Variants in FBN1 observed in about 807,000 individuals in gnomAD.
FBN1 encodes fibrillin-1.
In FBN1, 29 loss-of-function variants were observed where a neutral mutation model predicts 365.1. That is an observed-to-expected ratio of 0.08 (90% confidence interval 0.06 to 0.11). FBN1 has a LOEUF of 0.11. FBN1 is among the 10% of genes least tolerant of loss of function. The pLI, the probability that FBN1 is intolerant of heterozygous loss-of-function variation, is 1.00. For synonymous variants in FBN1, 1,210 were observed against 1,270.5 expected (o/e 0.95, Z 1.01); for missense variants, 2,476 against 3,703.2 (o/e 0.67, Z 8.60).
chr15:48,550,984 T>A (rs2044136720), intron 6 of FBN1, among the ~76,000 whole-genome samples: 1 of 152,204 alleles, frequency 6.6e-6, no homozygotes, highest in African/African-American at 2.4e-5. Context: ...AATGAATGAA[T>A]GAATGAATGG....
At chr15:48,490,809 C>T (rs1264592727) in intron 24 of FBN1, among the ~76,000 whole-genome samples, 1 of 152,202 alleles carries the variant, frequency 6.6e-6, no homozygotes, top group Non-Finnish European at 1.5e-5. Context: ...AATAAATTAT[C>T]CTAAACCTGA....
At chr15:48,627,803 C>G (rs2140760318) in intron 2 of FBN1, among the ~76,000 whole-genome samples, 1 of 152,326 alleles carries the variant, frequency 6.6e-6, no homozygotes, top group Non-Finnish European at 1.5e-5. Flanking sequence ...GATGCCAGCA[C>G]TGTCCTCTCA....
rs943815030 is a variant in FBN1 at position 48,427,480 on chromosome 15, T to G, written c.7204+87A>C. On this transcript the variant is annotated intron_variant, in intron 58 of 65. Coordinates refer to ENST00000316623, the MANE Select transcript of FBN1 (RefSeq NM_000138.5). ...TGTGCAATTCAACCTAGGCACATAT[T>G]GCAAACTCCATATTTTCATCTGTGT... 20 of 1,401,716 alleles carry G rather than the reference T, an allele frequency of 1.4e-5. No individual in the cohort carries two copies. The Middle Eastern group carries it at 2.6e-3, about 179-fold the overall frequency. The allele number at this position is 1,401,716 out of a possible 1,614,324, so 86.8% of individuals were successfully genotyped here.
intron 6 of FBN1, among the ~76,000 whole-genome samples, chr15:48,571,765 A>C (rs2044307046): frequency 6.6e-6 from 1 of 152,280 alleles, no homozygotes; most frequent in East Asian, 1.9e-4. Context: ...CAACAATTTC[A>C]CTCCATTCTA....
intron 4 of FBN1, among the ~76,000 whole-genome samples, chr15:48,600,990 A>C (rs1289221071): frequency 2.0e-5 from 3 of 152,210 alleles, no homozygotes; most frequent in Non-Finnish European, 2.9e-5. Flanking sequence ...AATAGAGAAA[A>C]AAGAAAATAC....
rs143726494 is a variant in FBN1, at chr15:48,470,838, T to C, written c.4337-82A>G. The C allele has an allele frequency of 7.8e-4, 1,148 of 1,465,354 alleles. 4 individuals carry two copies. In the African/African-American group the frequency reaches 0.015, roughly 19 times the overall value. The allele number at this position is 1,465,354 out of a possible 1,614,324, so 90.8% of individuals were successfully genotyped here. On this transcript the variant is annotated intron_variant, in intron 35 of 65. Transcript: ENST00000316623. ...CTGCCAAATATAATTAGGCAACTAATGTAAATACTAAGAAAATGCAGAGTA... is the reference window on the plus strand; with the variant it reads ...CTGCCAAATATAATTAGGCAACTAACGTAAATACTAAGAAAATGCAGAGTA...
At chr15:48,540,538 T>C (rs1267744525) in intron 6 of FBN1, among the ~76,000 whole-genome samples, 2 of 152,190 alleles carry the variant, frequency 1.3e-5, no homozygotes, top group Non-Finnish European at 2.9e-5. Context: ...ATTTTCTTAC[T>C]GTCTATCATT....
intron 4 of FBN1, among the ~76,000 whole-genome samples, chr15:48,602,109 T>C (rs2044572449): frequency 6.6e-6 from 1 of 152,138 alleles, no homozygotes; most frequent in Non-Finnish European, 1.5e-5. Flanking sequence ...CCTGCCTCTT[T>C]GTCTCCTTGC....
chr15:48,425,948 TA>T (rs2042976964), intron 58 of FBN1, 84 bp from the exon 59 acceptor site: 1 of 1,076,024 alleles, frequency 9.3e-7, no homozygotes, highest in African/African-American at 1.6e-5. Context: ...GTGTAAATAC[TA>T]ATAAATTGTG....
At chr15:48,483,102 A>G (rs1019862576) in intron 31 of FBN1, among the ~76,000 whole-genome samples, 1 of 152,234 alleles carries the variant, frequency 6.6e-6, no homozygotes, top group Non-Finnish European at 1.5e-5. Context: ...ATCAAAAATT[A>G]CCAGTCACTC....
chr15:48,415,208 G>A (rs1412722525), intron 64 of FBN1, among the ~76,000 whole-genome samples: 3 of 152,180 alleles, frequency 2.0e-5, no homozygotes, highest in Non-Finnish European at 2.9e-5. Flanking sequence ...GGTGAGCCCA[G>A]TTCTGTCATG....
intron 44 of FBN1, among the ~76,000 whole-genome samples, chr15:48,453,508 C>T (rs1187619721): frequency 1.3e-5 from 2 of 151,982 alleles, no homozygotes; most frequent in African/African-American, 4.8e-5. Context: ...TTAGGGGATA[C>T]ACAGGCAAAG....
intron 2 of FBN1, among the ~76,000 whole-genome samples, chr15:48,632,237 A>G (rs966946346): frequency 1.3e-5 from 2 of 152,248 alleles, no homozygotes; most frequent in African/African-American, 4.8e-5. Flanking sequence ...GTTTCTTAAT[A>G]TAATCATTTC....
chr15:48,421,713 G>C (rs761888145), intron 61 of FBN1, 27 bp from the exon 62 acceptor site: 2 of 1,610,160 alleles, frequency 1.2e-6, no homozygotes, highest in South Asian at 1.1e-5. Flanking sequence ...GGGCAAAGAG[G>C]GGTTAAAATT....
intron 42 of FBN1, 114 bp downstream of exon 42, chr15:48,462,968 C>G: frequency 3.6e-5 from 37 of 1,018,338 alleles, no homozygotes; most frequent in East Asian, 5.0e-5. Flanking sequence ...CCGTTTTTTT[C>G]CCTGTAAAGA....
At position 48,515,542 on chromosome 15, in the gene FBN1, A is replaced by C. The variant is rs2043793958; in HGVS notation, c.1328-15T>G. 2 of 1,613,812 alleles carry C rather than the reference A, an allele frequency of 1.2e-6. No individual in the cohort carries two copies. The highest frequency in any genetic ancestry group is 3.3e-5 in the Admixed American group (2 of 60,016). On this transcript the variant is annotated splice_polypyrimidine_tract_variant and intron_variant, in intron 11 of 65. Coordinates refer to ENST00000316623, the MANE Select transcript of FBN1 (RefSeq NM_000138.5). The stretch of plus-strand genomic sequence containing the variant: ...TGGCAGCACCCCTAGAAGAACATTA[A>C]GCCCCATTAAAATTATTTTAACTAT...
intron 32 of FBN1, among the ~76,000 whole-genome samples, chr15:48,475,898 A>G (rs1333129540): frequency 1.3e-5 from 2 of 152,226 alleles, no homozygotes; most frequent in Non-Finnish European, 2.9e-5. Flanking sequence ...TTATAATATC[A>G]CTAATGATCA....
intron 45 of FBN1, among the ~76,000 whole-genome samples, chr15:48,450,629 AG>A (rs1439258375): frequency 6.6e-6 from 1 of 152,210 alleles, no homozygotes; most frequent in African/African-American, 2.4e-5. Context: ...ACATTTCAGA[AG>A]GGGGTTGCAT....
intron 25 of FBN1, among the ~76,000 whole-genome samples, chr15:48,489,585 T>A (rs76383998): frequency 1.3e-5 from 2 of 152,158 alleles, no homozygotes; most frequent in Non-Finnish European, 2.9e-5. Flanking sequence ...TAAAGTTCCT[T>A]TGAGTTTACG....
Sources: allele counts gnomAD v4.1 joint callset (sites outside exome capture counted in the v4.1 genomes callset), GRCh38; gene constraint gnomAD v4.1.1; transcripts MANE v1.5; gene names NCBI Gene and HGNC (gene_info 2026-07-23, HGNC 2026-07-21).